The following FREM1 variants were observed in gnomAD, a reference collection of about 807,000 sequenced individuals.
The protein encoded by FREM1 is FRAS1-related extracellular matrix protein 1.
In FREM1, 220 loss-of-function variants were observed where a neutral mutation model predicts 210.1. The ratio of observed to expected loss-of-function variants is 1.05; its 90% confidence interval spans 0.94 to 1.17. The LOEUF (loss-of-function observed/expected upper bound fraction) is 1.17. Ranked by LOEUF, FREM1 falls within the 50% of genes most tolerant of loss-of-function variation. The pLI, the probability that FREM1 is intolerant of heterozygous loss-of-function variation, is 0.00. For synonymous variants in FREM1, 1,189 were observed against 980.2 expected (o/e 1.21, Z -3.98); for missense variants, 3,454 against 2,675.5 (o/e 1.29, Z -6.42).
intron 35 of FREM1, among the ~76,000 whole-genome samples, chr9:14,742,849 C>A (rs1380098078): frequency 6.6e-6 from 1 of 152,070 alleles, no homozygotes; most frequent in Non-Finnish European, 1.5e-5. Flanking sequence ...ACATACTTGT[C>A]AGTACACCTA....
rs1031152362 is a variant in FREM1 at position 14,776,228 on chromosome 9, T to G, written c.4443-25A>C. 20 of 1,508,740 alleles carry G rather than the reference T, an allele frequency of 1.3e-5. No individual in the cohort carries two copies. In the African/African-American group the frequency reaches 2.8e-4, roughly 21 times the overall value. 93.5% of individuals were successfully genotyped at this position (1,508,740 alleles called of 1,614,324 possible). A position where few individuals can be genotyped will look rare whatever the true frequency, so the allele number is the denominator to read the frequency against. On this transcript the variant is annotated intron_variant, in intron 24 of 36. Coordinates refer to ENST00000380880, the MANE Select transcript of FREM1 (RefSeq NM_001379081.2). ...TCTGGTAAAGAGAGGCAAGGCAGCC[T>G]TCAGCATGGATTCTTGTGTCACCAT...
At chr9:14,908,521 AATGAAAAGGCAGAG>A (rs1280037017) in intron 1 of FREM1, among the ~76,000 whole-genome samples, 1 of 152,114 alleles carries the variant, frequency 6.6e-6, no homozygotes, top group East Asian at 1.9e-4. Context: ...CCCTCGTGGG[AATGAAAAGGCAGAG>A]ATGAAAAGGG....
At chr9:14,820,892 C>A (rs1018800975) in intron 13 of FREM1, among the ~76,000 whole-genome samples, 1 of 152,166 alleles carries the variant, frequency 6.6e-6, no homozygotes, top group African/African-American at 2.4e-5. Context: ...TGCTTGCCAA[C>A]CTCATTTTTC....
Position 14,769,717 on chromosome 9 carries a change from A to G in FREM1, c.5204+7T>C. ...TATAGGACTACTGAATAAGCAAGAG[A>G]ATTTACATTTGAGGAGTGGCCGAGT... On this transcript the variant is annotated splice_region_variant and intron_variant, in intron 27 of 36. Coordinates refer to ENST00000380880, the MANE Select transcript of FREM1 (RefSeq NM_001379081.2). 2 of 1,611,776 alleles carry G rather than the reference A, an allele frequency of 1.2e-6. No homozygotes were observed. Among genetic ancestry groups the G allele is most frequent in the South Asian group, 2.2e-5 (2 of 90,740 alleles).
At chr9:14,776,354 T>C in intron 24 of FREM1, 151 bp from the exon 25 acceptor site, 1 of 822,864 alleles carries the variant, frequency 1.2e-6, no homozygotes, top group Non-Finnish European at 1.8e-6. Flanking sequence ...GAAAAATCCC[T>C]ATCATTAAAC....
In FREM1 at chr9:14,747,330, G is replaced by T. The variant is rs760818080; in HGVS notation, c.5943C>A (p.Ile1981=). Reference sequence around the variant, plus strand: ...CTGCTTGAGGCAGTTCTGCCACTTTGATTGTCTTTTGTGGCTGACTAATGA... The same window carrying T: ...CTGCTTGAGGCAGTTCTGCCACTTTTATTGTCTTTTGTGGCTGACTAATGA... ...VSIISQPQKT[I]KVAELPQADK... The change falls in exon 33 of 37, where the codon ATC becomes ATA. Residue 1981 remains isoleucine (I), a synonymous_variant. Coordinates refer to ENST00000380880, the MANE Select transcript of FREM1 (RefSeq NM_001379081.2). 3 of 1,613,600 alleles carry T rather than the reference G, an allele frequency of 1.9e-6. No homozygotes were observed. Among genetic ancestry groups the T allele is most frequent in the East Asian group, 4.5e-5 (2 of 44,856 alleles).
intron 10 of FREM1, among the ~76,000 whole-genome samples, chr9:14,828,559 T>G (rs1822907733): frequency 6.8e-6 from 1 of 147,202 alleles, no homozygotes; most frequent in Non-Finnish European, 1.5e-5. Flanking sequence ...TTTGCATTGA[T>G]GCTGAAATGA....
intron 1 of FREM1, among the ~76,000 whole-genome samples, chr9:14,876,636 G>C (rs2132040918): frequency 6.6e-6 from 1 of 152,250 alleles, no homozygotes. Context: ...CTTCCCAAGT[G>C]AGGCAATGCC....
intron 24 of FREM1, among the ~76,000 whole-genome samples, chr9:14,777,596 A>AT (rs974660706): frequency 2.6e-5 from 4 of 152,158 alleles, no homozygotes; most frequent in African/African-American, 9.7e-5. Context: ...TATACATAAC[A>AT]TTTTTATGTA....
Position 14,770,635 on chromosome 9 carries a change from T to C in FREM1, c.5029A>G (p.Lys1677Glu). ...QIIFKILQGP[K>E]HGHLENTTTG... ...GTTGTGTTCTCCAGATGTCCATGTT[T>C]TGGGCCTTGTAGAATTTTAAAGATG... The change falls in exon 26 of 37, where the codon AAA (lysine) becomes GAA (glutamate). Residue 1677 changes from lysine (K) to glutamate (E), a missense_variant. Transcript: ENST00000380880. The C allele has an allele frequency of 6.2e-7, 1 of 1,613,360 alleles. No homozygotes were observed. Among genetic ancestry groups the C allele is most frequent in the Non-Finnish European group, 8.5e-7 (1 of 1,179,512 alleles).
Position 14,750,115 on chromosome 9 carries a change from T to G in FREM1, c.5557+12A>C, listed in dbSNP as rs1340074374. ...ACCGCTCCTGATTTCAAGATGAGGA[T>G]CAAAAGAATACCTCCTTTTGAGTCC... On this transcript the variant is annotated intron_variant, in intron 30 of 36. Coordinates refer to ENST00000380880, the MANE Select transcript of FREM1 (RefSeq NM_001379081.2). 6.2e-7 allele frequency: 1 copy of G among 1,613,152 alleles called. No individual in the cohort carries two copies. The highest frequency in any genetic ancestry group is 1.7e-5 in the Admixed American group (1 of 59,836).
chr9:14,757,439 C>T (rs1363234596), intron 28 of FREM1, among the ~76,000 whole-genome samples: 1 of 152,148 alleles, frequency 6.6e-6, no homozygotes, highest in East Asian at 1.9e-4. Context: ...CCTGTAATCC[C>T]ACCTCCTGGG....
rs1296571581 is a variant in FREM1, at chr9:14,859,488, T to C, written c.330-4A>G. 1.2e-6 allele frequency: 2 copies of C among 1,608,660 alleles called. No individual in the cohort carries two copies. The highest frequency in any genetic ancestry group is 1.7e-6 in the Non-Finnish European group (2 of 1,176,836). ...GAAGGTATCTCTTTCAGTAAATCTG[T>C]GGAGAACACAGGGCAAAAGCAATAT... On this transcript the variant is annotated splice_region_variant and splice_polypyrimidine_tract_variant and intron_variant, in intron 3 of 36. Coordinates refer to ENST00000380880, the MANE Select transcript of FREM1 (RefSeq NM_001379081.2).
chr9:14,892,134 C>A (rs955230550), intron 1 of FREM1, among the ~76,000 whole-genome samples: 5 of 152,040 alleles, frequency 3.3e-5, no homozygotes, highest in African/African-American at 1.2e-4. Flanking sequence ...TGGATTGGGA[C>A]CCCTTTCCTG....
chr9:14,884,086 G>C (rs911624837), intron 1 of FREM1, among the ~76,000 whole-genome samples: 1 of 152,090 alleles, frequency 6.6e-6, no homozygotes, highest in African/African-American at 2.4e-5. Flanking sequence ...AAAATCAGCC[G>C]GGCGTGGTGG....
Position 14,784,343 on chromosome 9 carries a change from G to T in FREM1, c.4442+27C>A. The T allele has an allele frequency of 2.5e-6, 4 of 1,601,274 alleles. No individual in the cohort carries two copies. In the South Asian group the frequency reaches 4.5e-5, roughly 18 times the overall value. On this transcript the variant is annotated intron_variant, in intron 24 of 36. Transcript: ENST00000380880. ...TCTGTAAGTATTAATCCAAAGAAGGGGTTTGAAAAGTTTCCATGGGGCTCA... is the reference window on the plus strand; with the variant it reads ...TCTGTAAGTATTAATCCAAAGAAGGTGTTTGAAAAGTTTCCATGGGGCTCA...
At chr9:14,898,456 A>G (rs752318828) in intron 1 of FREM1, among the ~76,000 whole-genome samples, 3 of 152,192 alleles carry the variant, frequency 2.0e-5, no homozygotes, top group Non-Finnish European at 4.4e-5. Flanking sequence ...AACCCATAGA[A>G]TGCAGCCGGG....
At chr9:14,792,368 T>A (rs1434856604) in intron 22 of FREM1, among the ~76,000 whole-genome samples, 1 of 150,532 alleles carries the variant, frequency 6.6e-6, no homozygotes, top group Non-Finnish European at 1.5e-5. Context: ...ATAATTGAGA[T>A]GATGGATGCT....
At chr9:14,821,787 T>C (rs1035568009) in intron 13 of FREM1, among the ~76,000 whole-genome samples, 3 of 152,218 alleles carry the variant, frequency 2.0e-5, no homozygotes, top group Admixed American at 6.5e-5. Flanking sequence ...ATGGCTGCTG[T>C]AGGGTGTGCG....
Sources: allele counts gnomAD v4.1 joint callset (sites outside exome capture counted in the v4.1 genomes callset), GRCh38; gene constraint gnomAD v4.1.1; transcripts MANE v1.5; gene names NCBI Gene and HGNC (gene_info 2026-07-23, HGNC 2026-07-21).